Variants in EDIL3 observed in about 807,000 individuals in gnomAD.
EDIL3 encodes EGF like and discoidin domains 3.
In EDIL3, 37 loss-of-function variants were observed where a neutral mutation model predicts 67.4. The ratio of observed to expected loss-of-function variants is 0.55; its 90% CI spans 0.42 to 0.72. The LOEUF (loss-of-function observed/expected upper bound fraction) is 0.72. EDIL3 is among the 30% of genes least tolerant of loss of function. The pLI is 0.00. For synonymous variants in EDIL3, 195 were observed against 196.3 expected (o/e 0.99, Z 0.05); for missense variants, 527 against 586.3 (o/e 0.90, Z 1.04).
intron 1 of EDIL3, among the ~76,000 whole-genome samples, chr5:84,343,601 T>C (rs1488136817): frequency 6.6e-6 from 1 of 152,082 alleles, no homozygotes; most frequent in Admixed American, 6.6e-5. Flanking sequence ...GAGAACTCCT[T>C]ACCCTGGTAC....
At chr5:84,018,522 G>A (rs1390401248) in intron 9 of EDIL3, among the ~76,000 whole-genome samples, 2 of 152,076 alleles carry the variant, frequency 1.3e-5, no homozygotes, top group Non-Finnish European at 2.9e-5. Context: ...TCTCACATTT[G>A]CCCTCACACT....
intron 1 of EDIL3, among the ~76,000 whole-genome samples, chr5:84,366,436 G>C (rs115089055): frequency 0.011 from 1,604 of 152,228 alleles, 28 homozygotes; most frequent in African/African-American, 0.037. Flanking sequence ...CAGAAAATGT[G>C]ACTCTTGAAA....
At chr5:84,073,701 TACAA>T (rs1746790362) in intron 6 of EDIL3, among the ~76,000 whole-genome samples, 1 of 150,684 alleles carries the variant, frequency 6.6e-6, no homozygotes, top group African/African-American at 2.4e-5. Context: ...TAAAAGAGGA[TACAA>T]ACAAATGGAA....
chr5:84,180,606 C>T (rs1580364241), intron 3 of EDIL3, 85 bp from the exon 4 acceptor site: 1 of 1,386,786 alleles, frequency 7.2e-7, no homozygotes, highest in South Asian at 1.7e-5. Context: ...AATAATTTTA[C>T]AGAAAAAAGT....
At chr5:84,056,126 G>A (rs1046225583) in intron 9 of EDIL3, among the ~76,000 whole-genome samples, 17 of 152,106 alleles carry the variant, frequency 1.1e-4, no homozygotes, top group African/African-American at 4.1e-4. Context: ...AATACACCAT[G>A]GAATACTAGG....
At position 83,963,350 on chromosome 5, in the gene EDIL3, A is replaced by G. The variant is rs762969320; in HGVS notation, c.1148T>C (p.Leu383Pro). The change falls in exon 10 of 11, where the codon CTT becomes CCT. Residue 383 changes from leucine to proline, a missense_variant. This residue lies in a region of EDIL3 where 494 missense variants were observed against 522.5 expected (regional missense o/e 0.95). Transcript: ENST00000296591. ...GATGCCAGTCACTTTGGTTGGAACA[A>G]GAAGATCCACCTTAAAAAAAAGAAA... ...DQSQWLQVDL[L>P]VPTKVTGIIT... 7.5e-6 allele frequency: 12 copies of G among 1,600,444 alleles called. No homozygotes were observed. Among genetic ancestry groups the G allele is most frequent in the Non-Finnish European group, 1.0e-5 (12 of 1,174,960 alleles).
chr5:84,268,706 T>C (rs530850447), intron 1 of EDIL3, among the ~76,000 whole-genome samples: 2 of 152,206 alleles, frequency 1.3e-5, no homozygotes, highest in African/African-American at 4.8e-5. Context: ...TCACCTATAT[T>C]CACAAGATTT....
chr5:84,272,275 C>T (rs1297076919), intron 1 of EDIL3, among the ~76,000 whole-genome samples: 1 of 151,638 alleles, frequency 6.6e-6, no homozygotes, highest in East Asian at 1.9e-4. Flanking sequence ...GCAAATTTTC[C>T]AAATCCAAAT....
chr5:84,052,835 T>A (rs62364217), intron 9 of EDIL3, among the ~76,000 whole-genome samples: 17,952 of 152,072 alleles, frequency 0.12, 1,659 homozygotes, highest in African/African-American at 0.25. Flanking sequence ...ACAAAGAGAC[T>A]TAGACTCCCA....
chr5:84,030,501 G>GA (rs33989992), intron 9 of EDIL3, among the ~76,000 whole-genome samples: 2 of 143,056 alleles, frequency 1.4e-5, no homozygotes, highest in African/African-American at 3.0e-5. Context: ...GTTGGGATAT[G>GA]AAAAAATCGC....
intron 9 of EDIL3, among the ~76,000 whole-genome samples, chr5:84,050,033 AC>A (rs1460071390): frequency 1.3e-5 from 2 of 151,874 alleles, no homozygotes; most frequent in Non-Finnish European, 2.9e-5. Flanking sequence ...CCCCGTCTCT[AC>A]TAAAAATACA....
intron 4 of EDIL3, among the ~76,000 whole-genome samples, chr5:84,166,496 C>T (rs1748706176): frequency 6.6e-6 from 1 of 151,800 alleles, no homozygotes. Flanking sequence ...GTTTACTTAA[C>T]AAATATTTAT....
At chr5:84,049,144 G>T (rs756880184) in intron 9 of EDIL3, among the ~76,000 whole-genome samples, 1 of 152,064 alleles carries the variant, frequency 6.6e-6, no homozygotes, top group Non-Finnish European at 1.5e-5. Flanking sequence ...AAAATCTGAT[G>T]CTACCTAGAT....
chr5:84,146,190 AAGCCTTTT>A (rs1748288007), intron 4 of EDIL3, among the ~76,000 whole-genome samples: 1 of 152,114 alleles, frequency 6.6e-6, no homozygotes, highest in African/African-American at 2.4e-5. Context: ...ACACTGTTCT[AAGCCTTTT>A]ATATGTATTA....
chr5:84,005,280 T>C (rs926261810), intron 9 of EDIL3, among the ~76,000 whole-genome samples: 1 of 152,052 alleles, frequency 6.6e-6, no homozygotes, highest in East Asian at 1.9e-4. Context: ...ATCCCACTGA[T>C]ATTATTCCAA....
At chr5:84,305,335 A>C (rs1400169235) in intron 1 of EDIL3, among the ~76,000 whole-genome samples, 1 of 152,194 alleles carries the variant, frequency 6.6e-6, no homozygotes, top group East Asian at 1.9e-4. Context: ...ACCACTGTGC[A>C]ACTAGTTTCT....
chr5:84,033,283 A>G (rs1220441294), intron 9 of EDIL3, among the ~76,000 whole-genome samples: 2 of 152,210 alleles, frequency 1.3e-5, no homozygotes, highest in Non-Finnish European at 2.9e-5. Flanking sequence ...AACTTTACAC[A>G]TGAGAAATCA....
At chr5:84,340,530 CTCTCTATA>C (rs1355912812) in intron 1 of EDIL3, among the ~76,000 whole-genome samples, 430 of 69,594 alleles carry the variant, frequency 6.2e-3, no homozygotes, top group Non-Finnish European at 9.8e-3. Flanking sequence ...CTCTCTCTCT[CTCTCTATA>C]TATATATATA....
intron 3 of EDIL3, among the ~76,000 whole-genome samples, chr5:84,209,264 C>T (rs560467444): frequency 5.8e-4 from 88 of 151,986 alleles, no homozygotes; most frequent in African/African-American, 1.2e-3. Flanking sequence ...TTAGGCGATA[C>T]ACCTAATGCT....
Sources: gnomAD v4.1 joint callset for allele counts (sites outside exome capture counted in the v4.1 genomes callset) on GRCh38, gnomAD v4.1.1 for gene constraint, gnomAD v4.1.1 regional missense constraint, MANE v1.5 for transcripts, NCBI Gene and HGNC (gene_info 2026-07-23, HGNC 2026-07-21) for gene names.